The following NLGN1 variants were observed in gnomAD, a reference collection of about 807,000 sequenced individuals.
NLGN1 encodes the protein neuroligin-1.
In NLGN1, 12 loss-of-function variants were observed where a neutral mutation model predicts 65.5. That is an observed-to-expected ratio of 0.18 (90% CI 0.12 to 0.30). The LOEUF is 0.30. Among genes scored for constraint, NLGN1 ranks in the 10% least tolerant of loss-of-function variants. NLGN1 has a pLI of 1.00. For missense variants in NLGN1, 750 were observed against 1,007.1 expected, an observed-to-expected ratio of 0.74 and a Z score of 3.46; for synonymous variants, 350 against 359.5, an observed-to-expected ratio of 0.97 and a Z score of 0.30.
At chr3:173,770,492 C>G (rs1371533569) in intron 3 of NLGN1, among the ~76,000 whole-genome samples, 1 of 151,906 alleles carries the variant, frequency 6.6e-6, no homozygotes, top group East Asian at 1.9e-4. Flanking sequence ...TTGTTGCTAC[C>G]CCCTGATATT....
At chr3:173,584,323 G>A (rs533884126) in intron 2 of NLGN1, among the ~76,000 whole-genome samples, 3 of 148,530 alleles carry the variant, frequency 2.0e-5, no homozygotes, top group Admixed American at 6.8e-5. Context: ...GCCACTAGGG[G>A]TATCTTTGTA....
At chr3:173,978,383 G>C (rs778219014) in intron 4 of NLGN1, among the ~76,000 whole-genome samples, 2 of 151,988 alleles carry the variant, frequency 1.3e-5, no homozygotes, top group African/African-American at 4.8e-5. Context: ...TTTAGTTATG[G>C]GCATGCTAAG....
At chr3:174,187,221 G>C (rs992752625) in intron 4 of NLGN1, among the ~76,000 whole-genome samples, 2 of 151,896 alleles carry the variant, frequency 1.3e-5, no homozygotes, top group African/African-American at 4.8e-5. Flanking sequence ...TCCTACTGTA[G>C]AGCATATGGA....
intron 3 of NLGN1, among the ~76,000 whole-genome samples, chr3:173,610,236 CTA>C (rs1401347159): frequency 6.6e-6 from 1 of 151,888 alleles, no homozygotes; most frequent in Non-Finnish European, 1.5e-5. Context: ...AAGAAGATTA[CTA>C]TGTTTTTTAT....
chr3:174,015,519 A>G (rs2152449388), intron 4 of NLGN1, among the ~76,000 whole-genome samples: 1 of 152,252 alleles, frequency 6.6e-6, no homozygotes, highest in Admixed American at 6.5e-5. Flanking sequence ...AAACCTAATT[A>G]ACTCCCAAAG....
chr3:173,642,013 GCTCT>G (rs138192749), intron 3 of NLGN1, among the ~76,000 whole-genome samples: 87 of 146,240 alleles, frequency 5.9e-4, no homozygotes, highest in Middle Eastern at 3.5e-3. Flanking sequence ...TCAGTGGACT[GCTCT>G]CTCTCTCTCT....
intron 3 of NLGN1, among the ~76,000 whole-genome samples, chr3:173,614,190 G>A (rs1360338333): frequency 6.6e-6 from 1 of 152,048 alleles, no homozygotes; most frequent in Non-Finnish European, 1.5e-5. Flanking sequence ...GAAAGTGAAA[G>A]AAGGAAGAGC....
At chr3:174,277,213 C>T (rs1425785310) in intron 5 of NLGN1, among the ~76,000 whole-genome samples, 1 of 151,920 alleles carries the variant, frequency 6.6e-6, no homozygotes, top group Non-Finnish European at 1.5e-5. Context: ...TGAAAAAAAT[C>T]TCTTGAAATC....
rs139212840 is a variant in NLGN1 at position 173,657,394 on chromosome 3, G to A, written c.493+52303G>A. 5.8e-3 allele frequency among the ~76,000 whole-genome samples: 888 copies of A among 151,984 alleles called. 12 individuals are homozygous for A. Among genetic ancestry groups the A allele is most frequent in the African/African-American group, 0.02 (831 of 41,474 alleles). ...CCTAGGAATCAACTTTCTTAGCTAAGGATTTGCTTCTTGTCTTTCTGCAGT... is the reference window on the plus strand; with the variant it reads ...CCTAGGAATCAACTTTCTTAGCTAAAGATTTGCTTCTTGTCTTTCTGCAGT... On this transcript the variant is annotated intron_variant, in intron 3 of 6. Transcript: ENST00000457714.
At chr3:173,397,098 G>GTT (rs138225787), upstream of NLGN1, among the ~76,000 whole-genome samples, 4 of 151,856 alleles carry the variant, frequency 2.6e-5, no homozygotes, top group African/African-American at 9.7e-5. Flanking sequence ...AAACTGGGTG[G>GTT]TTTTTTTTAA....
Position 173,790,971 on chromosome 3 carries a change from A to G in NLGN1, c.494-16709A>G, listed in dbSNP as rs552728143. On this transcript the variant is annotated intron_variant, in intron 3 of 6. Coordinates refer to ENST00000457714, the Ensembl canonical transcript of NLGN1. Reference sequence around the variant, plus strand: ...CCTTTATGACACAGACAAATTATCAATTAGTATTAATGTATAATTTAGGAA... The same window carrying G: ...CCTTTATGACACAGACAAATTATCAGTTAGTATTAATGTATAATTTAGGAA... 1.8e-3 allele frequency among the ~76,000 whole-genome samples: 270 copies of G among 152,314 alleles called. 2 individuals are homozygous for G. Among genetic ancestry groups the G allele is most frequent in the African/African-American group, 6.2e-3 (258 of 41,586 alleles).
intron 4 of NLGN1, among the ~76,000 whole-genome samples, chr3:174,019,490 A>G (rs1156730911): frequency 2.6e-5 from 4 of 152,096 alleles, no homozygotes; most frequent in South Asian, 2.1e-4. Context: ...TAAGAAATCA[A>G]TTTCTTTTCT....
chr3:173,574,846 G>C (rs991792269), intron 2 of NLGN1, among the ~76,000 whole-genome samples: 10 of 152,158 alleles, frequency 6.6e-5, no homozygotes, highest in African/African-American at 2.4e-4. Context: ...ATGCAGTTAA[G>C]ATAAACTATG....
intron 4 of NLGN1, among the ~76,000 whole-genome samples, chr3:174,205,057 T>C (rs1735150788): frequency 6.6e-6 from 1 of 152,176 alleles, no homozygotes; most frequent in Non-Finnish European, 1.5e-5. Flanking sequence ...GAACACAAAA[T>C]AGTTAGCAAA....
Position 173,437,842 on chromosome 3 carries a change from A to G in NLGN1, c.-321+2764A>G, listed in dbSNP as rs545602914. 7.2e-5 allele frequency among the ~76,000 whole-genome samples: 11 copies of G among 151,950 alleles called. No homozygotes were observed. The East Asian group carries it at 2.1e-3, about 30-fold the overall frequency. Reference sequence around the variant, plus strand: ...ACGTGCTGTATTGTGTTACAGACAAAGGTCTGCTATCTTTGCCTTCCTGAT... The same window carrying G: ...ACGTGCTGTATTGTGTTACAGACAAGGGTCTGCTATCTTTGCCTTCCTGAT... On this transcript the variant is annotated intron_variant, in intron 2 of 6. Transcript: ENST00000457714.
chr3:174,184,354 A>T (rs1731011633), intron 4 of NLGN1, among the ~76,000 whole-genome samples: 1 of 65,594 alleles, frequency 1.5e-5, no homozygotes, highest in Admixed American at 1.7e-4. Context: ...TCAATAAAAA[A>T]GTACTCATTA....
exon 3 of NLGN1, chr3:173,604,704 T>C: frequency 6.2e-7 from 1 of 1,613,748 alleles, no homozygotes; most frequent in Non-Finnish European, 8.5e-7. Context: ...TATGTTGGGA[T>C]GTTTGCTTCA....
chr3:173,673,645 T>C (rs907972330), intron 3 of NLGN1, among the ~76,000 whole-genome samples: 6 of 152,142 alleles, frequency 3.9e-5, no homozygotes, highest in African/African-American at 1.4e-4. Flanking sequence ...AACTGGGGCA[T>C]AGAGAAGATA....
chr3:174,097,681 A>G (rs1488412765), intron 4 of NLGN1, among the ~76,000 whole-genome samples: 1 of 152,204 alleles, frequency 6.6e-6, no homozygotes, highest in African/African-American at 2.4e-5. Flanking sequence ...GAAGAAAAAC[A>G]TAATATGTAA....
Sources: allele counts gnomAD v4.1 joint callset (sites outside exome capture counted in the v4.1 genomes callset), GRCh38; gene constraint gnomAD v4.1.1; transcripts MANE v1.5; gene names NCBI Gene and HGNC (gene_info 2026-07-23, HGNC 2026-07-21).